The following GABRB1 variants were observed in gnomAD, a reference collection of about 807,000 sequenced individuals.
The protein encoded by GABRB1 is gamma-aminobutyric acid receptor subunit beta-1.
In GABRB1, 17 loss-of-function variants were observed where a neutral mutation model predicts 51.6. The observed-to-expected ratio is 0.33, with a 90% CI of 0.23 to 0.49. The LOEUF is 0.49. GABRB1 is among the 20% of genes least tolerant of loss of function. The pLI is 0.99. For synonymous variants in GABRB1, 247 were observed against 218.9 expected (o/e 1.13, Z -1.14); for missense variants, 410 against 600.6 (o/e 0.68, Z 3.32).
At chr4:47,246,826 T>C (rs1721778322) in intron 4 of GABRB1, among the ~76,000 whole-genome samples, 1 of 152,058 alleles carries the variant, frequency 6.6e-6, no homozygotes, top group South Asian at 2.1e-4. Context: ...TAGTATATCA[T>C]CTTTGGGAAT....
chr4:47,222,868 T>A (rs1386824225), intron 4 of GABRB1, among the ~76,000 whole-genome samples: 2 of 152,186 alleles, frequency 1.3e-5, no homozygotes, highest in Non-Finnish European at 2.9e-5. Context: ...CTCTGCAGTT[T>A]CTTTGCAAGC....
rs71654859 is a variant in GABRB1 at position 47,032,073 on chromosome 4, C to CAAAAAA, written c.172+76_172+81dup. ...CTCCTTTTCTGTCAAAGATAAATGTCAAAAAAAAAAAAAGAAAAGGCATGT... is the reference window on the plus strand; with the variant it reads ...CTCCTTTTCTGTCAAAGATAAATGTCAAAAAAAAAAAAAAAAAAAGAAAAGGCATGT... On this transcript the variant is annotated intron_variant, in intron 2 of 8. Coordinates refer to ENST00000295454, the MANE Select transcript of GABRB1 (RefSeq NM_000812.4). 4.8e-4 allele frequency: 218 copies of CAAAAAA among 450,864 alleles called. 9 individuals carry two copies. The highest frequency in any genetic ancestry group is 1.7e-3 in the Admixed American group (36 of 20,930). 27.9% of individuals were successfully genotyped at this position (450,864 alleles called of 1,614,324 possible). A position where few individuals can be genotyped will look rare whatever the true frequency, so the allele number is the denominator to read the frequency against.
intron 5 of GABRB1, among the ~76,000 whole-genome samples, chr4:47,372,174 C>T (rs2110020019): frequency 6.6e-6 from 1 of 152,328 alleles, no homozygotes; most frequent in African/African-American, 2.4e-5. Flanking sequence ...GTTCTCCCAG[C>T]ACCATTTATT....
intron 5 of GABRB1, among the ~76,000 whole-genome samples, chr4:47,331,410 CTA>C (rs1228242899): frequency 6.6e-6 from 1 of 152,116 alleles, no homozygotes; most frequent in African/African-American, 2.4e-5. Context: ...ATCAACTTGA[CTA>C]TAAAGTTAGC....
At chr4:47,040,632 T>TAA (rs1458683240) in intron 3 of GABRB1, among the ~76,000 whole-genome samples, 2 of 152,160 alleles carry the variant, frequency 1.3e-5, no homozygotes, top group Admixed American at 6.5e-5. Context: ...GTATATGTTA[T>TAA]AAGGCACTTG....
chr4:47,262,240 T>A (rs1309786528), intron 4 of GABRB1, among the ~76,000 whole-genome samples: 9 of 151,930 alleles, frequency 5.9e-5, no homozygotes, highest in Non-Finnish European at 1.3e-4. Context: ...AGAAACTACC[T>A]TCAGAGTGAA....
At chr4:47,361,296 G>A (rs779094929) in intron 5 of GABRB1, among the ~76,000 whole-genome samples, 10 of 152,104 alleles carry the variant, frequency 6.6e-5, no homozygotes, top group Admixed American at 3.3e-4. Context: ...ATATCTCATG[G>A]ACTAATAGTA....
chr4:47,019,848 G>A (rs1459954786), intron 1 of GABRB1, among the ~76,000 whole-genome samples: 1 of 146,856 alleles, frequency 6.8e-6, no homozygotes, highest in East Asian at 2.0e-4. Context: ...TAGGAAAACA[G>A]GCACATGCCA....
At chr4:47,202,183 A>ATAG (rs1031789788) in intron 4 of GABRB1, among the ~76,000 whole-genome samples, 10 of 152,110 alleles carry the variant, frequency 6.6e-5, no homozygotes, top group Admixed American at 2.6e-4. Flanking sequence ...TGTTCTCATG[A>ATAG]TAGTGAGTGA....
intron 4 of GABRB1, among the ~76,000 whole-genome samples, chr4:47,272,225 A>G (rs962162554): frequency 6.6e-6 from 1 of 152,200 alleles, no homozygotes; most frequent in Admixed American, 6.6e-5. Flanking sequence ...GGTTGTAAAG[A>G]TAAACAGAAG....
At chr4:47,062,523 G>A (rs1207602986) in intron 3 of GABRB1, among the ~76,000 whole-genome samples, 10 of 151,744 alleles carry the variant, frequency 6.6e-5, no homozygotes, top group African/African-American at 9.7e-5. Context: ...AAGTAGTTAT[G>A]TAACATGATT....
chr4:47,312,379 C>T (rs556337893), intron 4 of GABRB1, among the ~76,000 whole-genome samples: 1 of 151,572 alleles, frequency 6.6e-6, no homozygotes, highest in South Asian at 2.1e-4. Flanking sequence ...AATGCAAATT[C>T]TTTTCACCCT....
chr4:47,383,813 A>G (rs1316153998), intron 5 of GABRB1, among the ~76,000 whole-genome samples: 4 of 152,182 alleles, frequency 2.6e-5, no homozygotes, highest in Admixed American at 2.0e-4. Context: ...ATATTCAGAT[A>G]TATTTCTAGC....
chr4:47,040,331 G>C (rs548065872), intron 3 of GABRB1, among the ~76,000 whole-genome samples: 1 of 152,304 alleles, frequency 6.6e-6, no homozygotes, highest in East Asian at 1.9e-4. Flanking sequence ...AGGAAGCTAA[G>C]AGTGTTTCAA....
chr4:47,020,397 G>C (rs1724896589), intron 1 of GABRB1, among the ~76,000 whole-genome samples: 1 of 152,148 alleles, frequency 6.6e-6, no homozygotes, highest in Non-Finnish European at 1.5e-5. Flanking sequence ...TTCCAACCAA[G>C]GCCTCTTCCT....
At chr4:47,282,496 G>C (rs1014104994) in intron 4 of GABRB1, among the ~76,000 whole-genome samples, 10 of 151,870 alleles carry the variant, frequency 6.6e-5, no homozygotes, top group African/African-American at 2.4e-4. Flanking sequence ...AGTTGTAGTA[G>C]CACATAACTA....
At chr4:47,378,480 G>C (rs1363360132) in intron 5 of GABRB1, among the ~76,000 whole-genome samples, 1 of 152,200 alleles carries the variant, frequency 6.6e-6, no homozygotes, top group Non-Finnish European at 1.5e-5. Context: ...TCCAGCCTCA[G>C]CCAGCCCAGG....
In GABRB1 at chr4:47,403,311, G is replaced by T; in HGVS notation, c.545-7G>T. 6.2e-7 allele frequency: 1 copy of T among 1,613,386 alleles called. No homozygotes were observed. Among genetic ancestry groups the T allele is most frequent in the African/African-American group, 1.3e-5 (1 of 74,964 alleles). ...TTGTTTAACCGTGCTGTTTTTATTG[G>T]TTTCAGATGGCTATACCACTGATGA... is the stretch of plus-strand genomic sequence containing the variant. On this transcript the variant is annotated splice_region_variant and splice_polypyrimidine_tract_variant and intron_variant, in intron 5 of 8. Transcript: ENST00000295454.
chr4:47,391,169 C>G (rs1360654317), intron 5 of GABRB1, among the ~76,000 whole-genome samples: 1 of 151,948 alleles, frequency 6.6e-6, no homozygotes, highest in African/African-American at 2.4e-5. Flanking sequence ...GAGCAAGACT[C>G]CGTCTCAAAG....
Sources: allele counts gnomAD v4.1 joint callset (sites outside exome capture counted in the v4.1 genomes callset), GRCh38; gene constraint gnomAD v4.1.1; transcripts MANE v1.5; gene names NCBI Gene and HGNC (gene_info 2026-07-23, HGNC 2026-07-21).